The following MAPK12 variants were observed in gnomAD, a reference collection of about 807,000 sequenced individuals.
MAPK12 encodes the protein MAP kinase 12.
MAPK12 carries 49 observed loss-of-function variants against 49.1 expected under a neutral mutation model. The observed-to-expected ratio is 1.00, with a 90% CI of 0.79 to 1.27. The LOEUF is 1.27. Among genes scored for constraint, MAPK12 ranks in the 50% most tolerant of loss-of-function variants. The pLI is 0.00. For synonymous variants in MAPK12, 251 were observed against 209.7 expected, an observed-to-expected ratio of 1.20 and a Z score of -1.70; for missense variants, 554 against 502.4, an observed-to-expected ratio of 1.10 and a Z score of -0.98.
intron 3 of MAPK12, 76 bp downstream of exon 3, chr22:50,258,167 A>G: frequency 7.0e-7 from 1 of 1,420,252 alleles, no homozygotes; most frequent in Non-Finnish European, 1.0e-6. Context: ...CCCATTGCCA[A>G]CCTAGAACCT....
intron 3 of MAPK12, chr22:50,257,441 G>A (rs2065162062): frequency 3.5e-6 from 2 of 567,138 alleles, no homozygotes; most frequent in Non-Finnish European, 3.2e-6. Context: ...AGGACTGTCA[G>A]GCAGGGAGGA....
At chr22:50,258,184 A>G (rs954259349) in intron 3 of MAPK12, 59 bp downstream of exon 3, 1 of 1,535,674 alleles carries the variant, frequency 6.5e-7, no homozygotes, top group Non-Finnish European at 9.0e-7. Flanking sequence ...ACCTGAAGCC[A>G]GTGCCCAGAG....
chr22:50,254,718 G>A (rs1388227470), intron 11 of MAPK12: 5 of 1,070,508 alleles, frequency 4.7e-6, no homozygotes, highest in East Asian at 7.7e-5. Context: ...GAGGCCTTAG[G>A]GACAAGCGGA....
chr22:50,256,494 A>G, intron 6 of MAPK12, 105 bp downstream of exon 6: 2 of 1,431,406 alleles, frequency 1.4e-6, no homozygotes, highest in Non-Finnish European at 1.9e-6. Flanking sequence ...CACTGCCCAG[A>G]GCCTGGGACC....
Position 50,261,598 on chromosome 22 carries a change from C to G in MAPK12, c.-89G>C, listed in dbSNP as rs1278380667. Reference sequence around the variant, plus strand: ...GGCTCCCTCGGCGCGCGCCTCGGGCCGGCTCCGCGCCGCTCGTCCGCTCGC... The same window carrying G: ...GGCTCCCTCGGCGCGCGCCTCGGGCGGGCTCCGCGCCGCTCGTCCGCTCGC... On this transcript the variant is annotated 5_prime_UTR_variant, in exon 1 of 12. Coordinates refer to ENST00000215659, the MANE Select transcript of MAPK12 (RefSeq NM_002969.6). 1 of 996,412 alleles carries G rather than the reference C, an allele frequency of 1.0e-6. No individual in the cohort carries two copies. Among genetic ancestry groups the G allele is most frequent in the Non-Finnish European group, 1.2e-6 (1 of 840,558 alleles). 61.7% of individuals were successfully genotyped at this position (996,412 alleles called of 1,614,324 possible).
At chr22:50,258,123 T>C (rs2065170683) in intron 3 of MAPK12, 120 bp downstream of exon 3, 6 of 910,664 alleles carry the variant, frequency 6.6e-6, no homozygotes, top group Non-Finnish European at 1.1e-5. Flanking sequence ...GGGTGGGCGG[T>C]GTGCATCCCC....
intron 6 of MAPK12, 85 bp downstream of exon 6, chr22:50,256,514 T>TG (rs2065151796): frequency 1.3e-6 from 2 of 1,515,964 alleles, no homozygotes; most frequent in South Asian, 2.6e-5. Context: ...CTTGGCCCCC[T>TG]GCCCAGGCCT....
chr22:50,256,585 C>T lies in MAPK12; in HGVS notation c.504+14G>A. ...CCTGCCCCACCTCAGGGCCCCCTGC[C>T]AGGCAGCACACACCTTCAGCTCACA... On this transcript the variant is annotated intron_variant, in intron 6 of 11. Transcript: ENST00000215659. The T allele has an allele frequency of 6.2e-7, 1 of 1,609,858 alleles. No homozygotes were observed. Among genetic ancestry groups the T allele is most frequent in the Non-Finnish European group, 8.5e-7 (1 of 1,178,212 alleles).
intron 5 of MAPK12, 41 bp from the exon 6 acceptor site, chr22:50,256,687 C>A: frequency 6.3e-7 from 1 of 1,586,458 alleles, no homozygotes; most frequent in South Asian, 1.1e-5. Flanking sequence ...CCCACCCTCC[C>A]AAGCATGGGC....
chr22:50,259,448 A>G (rs2065186774), intron 2 of MAPK12, among the ~76,000 whole-genome samples: 1 of 152,108 alleles, frequency 6.6e-6, no homozygotes, highest in Non-Finnish European at 1.5e-5. Context: ...CCCGCTGAGC[A>G]AGGCACGTGG....
At chr22:50,255,962 C>A in intron 7 of MAPK12, 81 bp from the exon 8 acceptor site, 1 of 1,510,298 alleles carries the variant, frequency 6.6e-7, no homozygotes. Flanking sequence ...CACAGCCCAC[C>A]TGCCCGGCTC....
intron 11 of MAPK12, 22 bp from the exon 12 acceptor site, chr22:50,253,502 G>GGCCCCCCCCCCCCC: frequency 5.8e-6 from 1 of 171,648 alleles, no homozygotes; most frequent in Non-Finnish European, 1.1e-5. Context: ...GGGGGGGCGG[G>GGCCCCCCCCCCCCC]CACAACAGAG....
rs767798482 is a variant in MAPK12, at chr22:50,253,416, C to T, written c.1089G>A (p.Lys363=). Residue 363 remains lysine (K), a synonymous_variant, in exon 12 of 12, where the codon AAG becomes AAA. Coordinates refer to ENST00000215659, the MANE Select transcript of MAPK12 (RefSeq NM_002969.6). ...PPRQLGARVS[K]ETPL is the part of the protein sequence containing the mutation. ...CCAGAGATCTTCACAGAGGCGTCTC[C>T]TTGGAGACCCTGGCCCCCAGCTGCC... 5 of 1,539,304 alleles carry T rather than the reference C, an allele frequency of 3.2e-6. No homozygotes were observed. In the African/African-American group the frequency reaches 7.1e-5, roughly 22 times the overall value.
chr22:50,258,771 TAGAC>T (rs2147260561), intron 2 of MAPK12, among the ~76,000 whole-genome samples: 1 of 152,250 alleles, frequency 6.6e-6, no homozygotes, highest in South Asian at 2.1e-4. Context: ...GTTGGGGAGA[TAGAC>T]AGTAGACAGG....
intron 4 of MAPK12, 21 bp downstream of exon 4, chr22:50,257,061 A>G (rs777815753): frequency 1.2e-5 from 20 of 1,609,118 alleles, no homozygotes; most frequent in Non-Finnish European, 1.5e-5. Flanking sequence ...GCCTCCCTGC[A>G]GCCTCCCCCG....
At chr22:50,255,041 A>G in intron 11 of MAPK12, 156 bp downstream of exon 11, 1 of 1,500,094 alleles carries the variant, frequency 6.7e-7, no homozygotes, top group South Asian at 1.3e-5. Flanking sequence ...CCACCTGCAC[A>G]GGGCCCACAG....
intron 3 of MAPK12, 38 bp downstream of exon 3, chr22:50,258,205 C>A (rs2065171663): frequency 6.2e-7 from 1 of 1,604,942 alleles, no homozygotes; most frequent in East Asian, 2.2e-5. Context: ...CTGCCCAACA[C>A]CCCTCGTGCC....
chr22:50,257,964 G>C, intron 3 of MAPK12: 1 of 767,572 alleles, frequency 1.3e-6, no homozygotes, highest in East Asian at 2.5e-5. Flanking sequence ...AAATGGTCAG[G>C]TCCAAGGTTC....
At chr22:50,261,356 G>A in intron 1 of MAPK12, 29 bp downstream of exon 1, 1 of 1,124,722 alleles carries the variant, frequency 8.9e-7, no homozygotes, top group Non-Finnish European at 1.1e-6. Context: ...CGCCCGCCCC[G>A]CCGGCCGCCC....
Sources: allele counts gnomAD v4.1 joint callset (sites outside exome capture counted in the v4.1 genomes callset), GRCh38; gene constraint gnomAD v4.1.1; transcripts MANE v1.5; gene names NCBI Gene and HGNC (gene_info 2026-07-23, HGNC 2026-07-21).